Variants in FGD3 observed in about 807,000 individuals in gnomAD.
FGD3 encodes the protein FYVE, RhoGEF and PH domain containing 3.
Under a neutral mutation model 71.8 loss-of-function variants are expected in FGD3, and 45 were observed. That is an observed-to-expected ratio of 0.63 (90% CI 0.49 to 0.80). The LOEUF (loss-of-function observed/expected upper bound fraction) is 0.80. FGD3 is among the 30% of genes least tolerant of loss of function. The pLI is 0.00. For missense variants in FGD3, 844 were observed against 951.5 expected, an observed-to-expected ratio of 0.89 and a Z score of 1.49; for synonymous variants, 378 against 392.8, an observed-to-expected ratio of 0.96 and a Z score of 0.44.
At chr9:93,005,913 T>G in intron 5 of FGD3, 111 bp from the exon 6 acceptor site, 1 of 1,239,828 alleles carries the variant, frequency 8.1e-7, no homozygotes, top group Non-Finnish European at 1.1e-6. Flanking sequence ...TTGCTCACCA[T>G]CACACAGAGC....
rs145397034 is a variant in FGD3, at chr9:92,979,921, CT to C, written c.453+3213del. Among the ~76,000 whole-genome samples the C allele has an allele frequency of 1.4e-3, 209 of 151,376 alleles. 4 individuals are homozygous for C. The East Asian group carries it at 0.037, about 27-fold the overall frequency. On this transcript the variant is annotated intron_variant, in intron 3 of 17. Coordinates refer to ENST00000375482, the MANE Select transcript of FGD3 (RefSeq NM_001083536.2). ...TCTGTGGCACCTCTTGTAATGTCCCCTCTTTCATTTTAGTTGAGTCTTCTCT... is the reference window on the plus strand; with the variant it reads ...TCTGTGGCACCTCTTGTAATGTCCCCCTTTCATTTTAGTTGAGTCTTCTCT...
intron 13 of FGD3, 88 bp from the exon 14 acceptor site, chr9:93,022,239 G>T (rs749906462): frequency 5.5e-5 from 73 of 1,337,904 alleles, no homozygotes; most frequent in Non-Finnish European, 7.4e-5. Context: ...GCACAGAGGT[G>T]CTGGGGGCTT....
At chr9:92,971,399 C>T (rs566187897) in intron 1 of FGD3, among the ~76,000 whole-genome samples, 40 of 152,048 alleles carry the variant, frequency 2.6e-4, no homozygotes, top group African/African-American at 9.4e-4. Context: ...CTGCTTGGGC[C>T]TCCTAGGCTG....
rs570942192 is a variant in FGD3, at chr9:93,032,801, C to A, written c.1713C>A (p.Ala571=). The A allele has an allele frequency of 9.3e-6, 15 of 1,614,094 alleles. No homozygotes were observed. Among genetic ancestry groups the A allele is most frequent in the Non-Finnish European group, 8.5e-6 (10 of 1,180,040 alleles). The change falls in exon 16 of 18, where the codon GCC becomes GCA. Residue 571 remains alanine (A), a synonymous_variant. Transcript: ENST00000375482. ...GTGGGAAGTGCTCCGAGTTCAAGGC[C>A]GAGAACAGCCGGCAGAGCCGTGTCT... The part of the protein sequence containing the change: ...VICGKCSEFK[A]ENSRQSRVCR...
At chr9:92,947,979 A>C (rs1858887029) in intron 1 of FGD3, among the ~76,000 whole-genome samples, 1 of 152,140 alleles carries the variant, frequency 6.6e-6, no homozygotes, top group African/African-American at 2.4e-5. Flanking sequence ...CCACCTTGGC[A>C]GTCCTCGCGG....
At chr9:93,017,555 T>G (rs936047103) in intron 10 of FGD3, among the ~76,000 whole-genome samples, 15 of 152,126 alleles carry the variant, frequency 9.9e-5, no homozygotes, top group African/African-American at 2.9e-4. Context: ...ATGGTCTCTG[T>G]GGTCTTATCC....
At chr9:92,995,213 G>C (rs1390944018) in intron 3 of FGD3, among the ~76,000 whole-genome samples, 1 of 152,100 alleles carries the variant, frequency 6.6e-6, no homozygotes, top group Non-Finnish European at 1.5e-5. Flanking sequence ...TGGATTCCTA[G>C]GTATTTTATT....
At chr9:92,964,925 TC>T (rs1859258264) in intron 1 of FGD3, among the ~76,000 whole-genome samples, 1 of 152,184 alleles carries the variant, frequency 6.6e-6, no homozygotes, top group Non-Finnish European at 1.5e-5. Context: ...TCCAGAAGCT[TC>T]CTCTGCACTC....
At chr9:93,026,956 G>C (rs191652328) in intron 14 of FGD3, among the ~76,000 whole-genome samples, 2 of 152,202 alleles carry the variant, frequency 1.3e-5, no homozygotes, top group Non-Finnish European at 2.9e-5. Context: ...GCCTCTCTGG[G>C]TGCCCACCTG....
intron 17 of FGD3, 68 bp from the exon 18 acceptor site, chr9:93,035,270 C>T: frequency 6.4e-7 from 1 of 1,552,980 alleles, no homozygotes. Flanking sequence ...GGGAGAGGCC[C>T]CCATCACTGA....
rs761775285 is a variant in FGD3 at position 92,976,228 on chromosome 9, A to G, written c.-29A>G. On this transcript the variant is annotated 5_prime_UTR_variant, in exon 3 of 18. Coordinates refer to ENST00000375482, the MANE Select transcript of FGD3 (RefSeq NM_001083536.2). ...TACAGGAAGCCCCTGGCCAGCCTCC[A>G]CCTGAGCCCAGTGAGCTCAGCTTTA... 6.6e-7 allele frequency: 1 copy of G among 1,511,106 alleles called. No individual in the cohort carries two copies. Among genetic ancestry groups the G allele is most frequent in the Non-Finnish European group, 8.9e-7 (1 of 1,125,220 alleles). The allele number at this position is 1,511,106 out of a possible 1,614,324, so 93.6% of individuals were successfully genotyped here. A position where few individuals can be genotyped will look rare whatever the true frequency, so the allele number is the denominator to read the frequency against.
intron 1 of FGD3, among the ~76,000 whole-genome samples, chr9:92,960,363 C>A (rs1467278959): frequency 1.3e-5 from 2 of 152,136 alleles, no homozygotes; most frequent in Non-Finnish European, 2.9e-5. Flanking sequence ...CCCCTCCTAT[C>A]CCCACGTCCT....
intron 1 of FGD3, among the ~76,000 whole-genome samples, chr9:92,960,738 G>A (rs1192162446): frequency 6.6e-6 from 1 of 152,156 alleles, no homozygotes; most frequent in Non-Finnish European, 1.5e-5. Context: ...CCCAGGGAGA[G>A]CACTCATCCA....
intron 1 of FGD3, among the ~76,000 whole-genome samples, chr9:92,956,139 GTTTGTTT>G (rs1470736993): frequency 6.6e-6 from 1 of 152,086 alleles, no homozygotes; most frequent in African/African-American, 2.4e-5. Flanking sequence ...TTGTTTGTTT[GTTTGTTT>G]TCGCTTCTTG....
At chr9:93,015,456 CA>C (rs946365026) in intron 9 of FGD3, among the ~76,000 whole-genome samples, 2 of 150,344 alleles carry the variant, frequency 1.3e-5, no homozygotes, top group African/African-American at 2.4e-5. Flanking sequence ...GACTCCATCT[CA>C]AAAAAATAAA....
chr9:92,954,614 G>T (rs1348945259), intron 1 of FGD3, among the ~76,000 whole-genome samples: 1 of 152,142 alleles, frequency 6.6e-6, no homozygotes. Context: ...CTTCCTCAGG[G>T]GCCATCTCCC....
chr9:93,022,598 G>C (rs1315980294), intron 14 of FGD3, among the ~76,000 whole-genome samples: 1 of 152,140 alleles, frequency 6.6e-6, no homozygotes, highest in Non-Finnish European at 1.5e-5. Flanking sequence ...CTGATGAATT[G>C]TGTGGTCACT....
chr9:92,954,465 G>A (rs898387599), intron 1 of FGD3, among the ~76,000 whole-genome samples: 6 of 152,336 alleles, frequency 3.9e-5, no homozygotes, highest in Non-Finnish European at 7.4e-5. Context: ...GATTGGAGAA[G>A]CAGCCGGGCT....
intron 1 of FGD3, among the ~76,000 whole-genome samples, chr9:92,956,105 A>G (rs1859046079): frequency 6.6e-6 from 1 of 152,184 alleles, no homozygotes; most frequent in Non-Finnish European, 1.5e-5. Flanking sequence ...AAATTCACAT[A>G]CTAGTTCTGG....
Sources: allele counts gnomAD v4.1 joint callset (sites outside exome capture counted in the v4.1 genomes callset), GRCh38; gene constraint gnomAD v4.1.1; transcripts MANE v1.5; gene names NCBI Gene and HGNC (gene_info 2026-07-23, HGNC 2026-07-21).